The following MYCBP2 variants were observed in gnomAD, a reference collection of about 807,000 sequenced individuals.
MYCBP2 encodes E3 ubiquitin-protein ligase MYCBP2.
In MYCBP2, 120 loss-of-function variants were observed where a neutral mutation model predicts 525.3. That is an observed-to-expected ratio of 0.23 (90% CI 0.20 to 0.27). MYCBP2 has a LOEUF of 0.27. MYCBP2 is among the 10% of genes least tolerant of loss of function. The probability of loss-of-function intolerance (pLI) is 1.00; values close to 1 mark genes in which losing one functional copy is unlikely to be tolerated. For missense variants in MYCBP2, 4,149 were observed against 5,657.1 expected (o/e 0.73, Z 8.55); for synonymous variants, 1,894 against 1,955.8 (o/e 0.97, Z 0.83).
intron 1 of MYCBP2, among the ~76,000 whole-genome samples, chr13:77,321,159 G>A (rs1836895993): frequency 2.0e-5 from 3 of 152,204 alleles, no homozygotes; most frequent in African/African-American, 7.2e-5. Context: ...AGAAAAAAGT[G>A]AGACTATTCT....
At chr13:77,111,878 C>T (rs911366527) in intron 55 of MYCBP2, among the ~76,000 whole-genome samples, 8 of 152,234 alleles carry the variant, frequency 5.3e-5, no homozygotes, top group Admixed American at 1.3e-4. Context: ...ATTCACTGCA[C>T]ATAAAGTCTA....
intron 48 of MYCBP2, among the ~76,000 whole-genome samples, chr13:77,145,751 G>A (rs577077830): frequency 6.6e-6 from 1 of 151,502 alleles, no homozygotes; most frequent in East Asian, 1.9e-4. Flanking sequence ...AATTACTTAC[G>A]GGCTGAAAAA....
At chr13:77,275,916 G>A (rs1414292395) in intron 4 of MYCBP2, among the ~76,000 whole-genome samples, 2 of 152,152 alleles carry the variant, frequency 1.3e-5, no homozygotes, top group Admixed American at 6.5e-5. Context: ...CCCAGGAGGT[G>A]GAAGTTGCAG....
intron 2 of MYCBP2, among the ~76,000 whole-genome samples, chr13:77,289,860 T>C (rs949405128): frequency 1.3e-5 from 2 of 152,026 alleles, no homozygotes; most frequent in East Asian, 1.9e-4. Flanking sequence ...AAAATTACTA[T>C]ATAAAAATGA....
intron 1 of MYCBP2, among the ~76,000 whole-genome samples, chr13:77,321,034 A>G (rs1594905276): frequency 1.3e-5 from 2 of 152,216 alleles, no homozygotes; most frequent in East Asian, 3.8e-4. Context: ...CTGTGGTGAT[A>G]GTTTCAGGAC....
chr13:77,154,169 T>C (rs1012063543), intron 46 of MYCBP2, among the ~76,000 whole-genome samples: 5 of 152,168 alleles, frequency 3.3e-5, no homozygotes, highest in African/African-American at 1.2e-4. Flanking sequence ...CCAGCTAATA[T>C]AATATGATAT....
At chr13:77,112,219 G>C (rs1445117328) in intron 55 of MYCBP2, among the ~76,000 whole-genome samples, 1 of 150,472 alleles carries the variant, frequency 6.6e-6, no homozygotes, top group Non-Finnish European at 1.5e-5. Flanking sequence ...TGTTATGATG[G>C]ATAACTATTT....
At chr13:77,226,822 C>G (rs1356114598) in intron 18 of MYCBP2, among the ~76,000 whole-genome samples, 1 of 152,014 alleles carries the variant, frequency 6.6e-6, no homozygotes, top group East Asian at 1.9e-4. Context: ...CTCACTAATT[C>G]GGAATAACAT....
Position 77,081,978 on chromosome 13 carries a change from T to C in MYCBP2, c.11052A>G (p.Lys3684=). Residue 3684 remains lysine, a synonymous_variant, in exon 64 of 83, where the codon AAA becomes AAG. Transcript: ENST00000544440. The surrounding 1 kb of genome is among the most constrained non-coding windows in gnomAD (Gnocchi z 4.6). The part of the protein sequence containing the change: ...QQMALRCWSL[K]FKQSDHQFLH... ...GGAACTGGTGATCAGATTGCTTGAA[T>C]TTGAGACTCCAGCACCTAAAAAGGC... The C allele has an allele frequency of 6.2e-7, 1 of 1,613,266 alleles. No individual in the cohort carries two copies. The highest frequency in any genetic ancestry group is 8.5e-7 in the Non-Finnish European group (1 of 1,179,590).
At chr13:77,101,295 A>G (rs2154133236) in intron 55 of MYCBP2, among the ~76,000 whole-genome samples, 1 of 152,200 alleles carries the variant, frequency 6.6e-6, no homozygotes, top group Admixed American at 6.6e-5. Flanking sequence ...GATTTCTAAC[A>G]AATAGGAAGG....
At chr13:77,140,981 A>C in intron 49 of MYCBP2, 38 bp from the exon 50 acceptor site, 1 of 1,435,144 alleles carries the variant, frequency 7.0e-7, no homozygotes, top group Non-Finnish European at 9.6e-7. Context: ...ATTTGAGAAA[A>C]AAAGAGAAGG....
chr13:77,273,477 T>C lies in MYCBP2; in HGVS notation c.940A>G (p.Ile314Val). 2.5e-6 allele frequency: 4 copies of C among 1,579,654 alleles called. No individual in the cohort carries two copies. Among genetic ancestry groups the C allele is most frequent in the East Asian group, 2.2e-5 (1 of 44,718 alleles). The stretch of plus-strand genomic sequence containing the variant: ...CAGATATAAATATGAAATACCTGAA[T>C]AGTTTGGCAAGCATGGCTTCCATTG... The part of the protein sequence containing the change: ...TNNGSHACQT[I>V]QVPTILNSLQ... Residue 314 changes from isoleucine (I) to valine (V), a missense_variant, in exon 5 of 83, where the codon ATT (isoleucine) becomes GTT (valine). Transcript: ENST00000544440.
intron 44 of MYCBP2, among the ~76,000 whole-genome samples, chr13:77,160,933 A>G (rs1476924103): frequency 1.3e-5 from 2 of 152,208 alleles, no homozygotes; most frequent in Non-Finnish European, 2.9e-5. Flanking sequence ...TTACTTAATA[A>G]GTTCTCAGGA....
Position 77,180,308 on chromosome 13 carries a change from T to C in MYCBP2, c.4952A>G (p.Asn1651Ser), listed in dbSNP as rs564026877. The C allele has an allele frequency of 2.9e-5, 47 of 1,613,988 alleles. No homozygotes were observed. Among genetic ancestry groups the C allele is most frequent in the Non-Finnish European group, 3.8e-5 (45 of 1,179,968 alleles). ...HMEKLSQSEE[N>S]ISGMTSFREV... Reference sequence around the variant, plus strand: ...ACGGAAGCTTGTCATCCCTGAGATATTCTCTTCACTCTGCGATACATAAGA... The same window carrying C: ...ACGGAAGCTTGTCATCCCTGAGATACTCTCTTCACTCTGCGATACATAAGA... Residue 1651 changes from asparagine to serine, a missense_variant, in exon 34 of 83, where the codon AAT becomes AGT. Around this residue, in one of 21 missense-constraint regions of MYCBP2, gnomAD observed 292 missense variants for 330.5 expected, o/e 0.88. Coordinates refer to ENST00000544440, the MANE Select transcript of MYCBP2 (RefSeq NM_015057.5).
intron 35 of MYCBP2, among the ~76,000 whole-genome samples, chr13:77,177,326 T>TTTTC: frequency 6.7e-6 from 1 of 150,160 alleles, no homozygotes. Flanking sequence ...TTTCAATTTC[T>TTTTC]TTTCTTTCTT....
intron 73 of MYCBP2, among the ~76,000 whole-genome samples, chr13:77,063,576 A>T (rs1442676470): frequency 6.6e-6 from 1 of 151,576 alleles, no homozygotes; most frequent in East Asian, 1.9e-4. Context: ...AAAAAAAAAA[A>T]AAAAAGACAA....
At chr13:77,054,564 G>C (rs2037483452) in intron 80 of MYCBP2, among the ~76,000 whole-genome samples, 1 of 151,624 alleles carries the variant, frequency 6.6e-6, no homozygotes, top group African/African-American at 2.4e-5. Context: ...AGACAGAATT[G>C]ATAGGATTTT....
chr13:77,146,734 A>G (rs1217364817), intron 47 of MYCBP2, among the ~76,000 whole-genome samples: 2 of 152,172 alleles, frequency 1.3e-5, no homozygotes, highest in Non-Finnish European at 2.9e-5. Flanking sequence ...ACTAAAATAA[A>G]TCACATCATG....
At chr13:77,201,411 C>T (rs1366696017) in intron 26 of MYCBP2, among the ~76,000 whole-genome samples, 1 of 151,526 alleles carries the variant, frequency 6.6e-6, no homozygotes, top group East Asian at 1.9e-4. Flanking sequence ...GAGTGACCTA[C>T]AAAGAGACTT....
Sources: gnomAD v4.1 joint callset for allele counts (sites outside exome capture counted in the v4.1 genomes callset) on GRCh38, gnomAD v4.1.1 for gene constraint, gnomAD v4.1.1 regional missense constraint, Gnocchi (gnomAD v3.1) non-coding constraint, MANE v1.5 for transcripts, NCBI Gene and HGNC (gene_info 2026-07-23, HGNC 2026-07-21) for gene names.